Variants in ARSG observed in about 807,000 individuals in gnomAD.
The protein encoded by ARSG is arylsulfatase G, also known as ASG.
Under a neutral mutation model 50.5 loss-of-function variants are expected in ARSG, and 37 were observed. That is an observed-to-expected ratio of 0.73 (90% CI 0.56 to 0.96). ARSG has a LOEUF of 0.96. ARSG is among the 50% of genes least tolerant of loss of function. The probability of loss-of-function intolerance (pLI) is 0.00; values close to 1 mark genes in which losing one functional copy is unlikely to be tolerated. For missense variants in ARSG, 629 were observed against 675.3 expected (o/e 0.93, Z 0.76); for synonymous variants, 225 against 254.6 (o/e 0.88, Z 1.11).
In ARSG at chr17:68,271,933, G is replaced by T. The variant is rs2075354327; in HGVS notation, c.-552+12507G>T. ...TTCTCCTGCCTCAGCCTCCTGAGTA[G>T]CTGGGACTATAGGCGTGCGCCACCA... On this transcript the variant is annotated intron_variant, in intron 1 of 11. Transcript: ENST00000448504. This position sits in a 1 kb window ranked among gnomAD's most constrained non-coding sequence, Gnocchi z 5.3. 6.6e-6 allele frequency among the ~76,000 whole-genome samples: 1 copy of T among 152,204 alleles called. No individual in the cohort carries two copies. Among genetic ancestry groups the T allele is most frequent in the African/African-American group, 2.4e-5 (1 of 41,462 alleles).
intron 2 of ARSG, among the ~76,000 whole-genome samples, chr17:68,329,740 TG>T (rs1350298787): frequency 6.6e-6 from 1 of 152,186 alleles, no homozygotes; most frequent in East Asian, 1.9e-4. Context: ...TTGGCTTCCC[TG>T]GGCCATGTTG....
intron 11 of ARSG, among the ~76,000 whole-genome samples, chr17:68,418,835 C>T (rs1026101640): frequency 3.3e-5 from 5 of 152,184 alleles, no homozygotes; most frequent in African/African-American, 9.7e-5. Flanking sequence ...CTCTGCTTCT[C>T]CTGAGCAACT....
intron 2 of ARSG, among the ~76,000 whole-genome samples, chr17:68,330,684 A>G (rs773453230): frequency 2.3e-4 from 35 of 152,100 alleles, no homozygotes; most frequent in Non-Finnish European, 4.7e-4. Flanking sequence ...AGAAACTGGC[A>G]AAGGAAGCAA....
chr17:68,279,953 G>C (rs1188358034), intron 1 of ARSG, among the ~76,000 whole-genome samples: 2 of 152,068 alleles, frequency 1.3e-5, no homozygotes, highest in African/African-American at 4.8e-5. Flanking sequence ...AGGCCAAAGC[G>C]GGTGGATCAC....
intron 1 of ARSG, among the ~76,000 whole-genome samples, chr17:68,306,574 A>G (rs2076617984): frequency 6.6e-6 from 1 of 152,242 alleles, no homozygotes; most frequent in East Asian, 1.9e-4. Flanking sequence ...TGACTGTTAC[A>G]AATAACCATG....
chr17:68,359,995 G>C (rs1741715177), intron 6 of ARSG, among the ~76,000 whole-genome samples: 2 of 152,166 alleles, frequency 1.3e-5, no homozygotes, highest in Admixed American at 1.3e-4. Context: ...AGGCTAGTGG[G>C]GACAGTCTCT....
intron 5 of ARSG, among the ~76,000 whole-genome samples, chr17:68,352,135 AGACAGAG>A (rs2078813778): frequency 8.7e-6 from 1 of 115,578 alleles, no homozygotes; most frequent in African/African-American, 3.4e-5. Context: ...AGAGAGAGAG[AGACAGAG>A]GAGAGAGAGA....
intron 1 of ARSG, among the ~76,000 whole-genome samples, chr17:68,280,162 A>G (rs2075647021): frequency 1.4e-5 from 2 of 145,064 alleles, no homozygotes; most frequent in African/African-American, 5.2e-5. Flanking sequence ...AGCCTGGGCA[A>G]TAGAGCAACT....
At chr17:68,356,537 C>A in intron 5 of ARSG, 130 bp from the exon 6 acceptor site, 1 of 1,069,222 alleles carries the variant, frequency 9.4e-7, no homozygotes, top group Non-Finnish European at 1.4e-6. Flanking sequence ...GAGGAAATGG[C>A]CAACCAGAAA....
intron 2 of ARSG, among the ~76,000 whole-genome samples, chr17:68,327,400 C>T (rs1388413603): frequency 1.3e-5 from 2 of 152,168 alleles, no homozygotes; most frequent in African/African-American, 4.8e-5. Flanking sequence ...GAGCCACACT[C>T]CCTCCACAGC....
intron 8 of ARSG, among the ~76,000 whole-genome samples, chr17:68,380,647 A>G (rs979356779): frequency 3.3e-5 from 5 of 152,212 alleles, no homozygotes; most frequent in African/African-American, 1.2e-4. Context: ...GTAACATACT[A>G]AATGTGTCTT....
rs11657051 is a variant in ARSG, at chr17:68,395,173, C to T, written c.1192C>T (p.Arg398Trp). The change falls in exon 10 of 12, where the codon CGG becomes TGG. Residue 398 changes from arginine (R) to tryptophan (W), a missense_variant. Physicochemically the swap from Arg to Trp is moderately radical, Grantham distance 101 (BLOSUM62 -3). Transcript: ENST00000621439. ...GVDVSEVLFG[R>W]SQPGHRVLFH... ...GGACGTCTCCGAGGTGCTCTTTGGC[C>T]GGTCACAGCCTGGGCACAGGGTAAG... 55,066 of 1,613,974 alleles carry T rather than the reference C, an allele frequency of 0.034. 1,234 individuals carry two copies. Among genetic ancestry groups the T allele is most frequent in the Non-Finnish European group, 0.039 (46,139 of 1,179,918 alleles).
In ARSG at chr17:68,271,010, C is replaced by T. The variant is rs2075321768; in HGVS notation, c.-552+11584C>T. The T allele has an allele frequency of 6.2e-7, 1 of 1,614,070 alleles. No homozygotes were observed. Among genetic ancestry groups the T allele is most frequent in the South Asian group, 1.1e-5 (1 of 91,072 alleles). On this transcript the variant is annotated intron_variant, in intron 1 of 11. Transcript: ENST00000448504. The surrounding 1 kb of genome is among the most constrained non-coding windows in gnomAD (Gnocchi z 5.3). The stretch of plus-strand genomic sequence containing the variant: ...AAAAATATGCTGCATGACATTAGAC[C>T]CCAGAATTCAGTAGCAAAAGTAAAG...
At chr17:68,291,857 G>A (rs1555756250) in intron 1 of ARSG, among the ~76,000 whole-genome samples, 2 of 151,906 alleles carry the variant, frequency 1.3e-5, no homozygotes, top group Non-Finnish European at 2.9e-5. Flanking sequence ...TGAGGATTTA[G>A]GGATTTAGCG....
In ARSG at chr17:68,395,094, T is replaced by C. The variant is rs139410112; in HGVS notation, c.1113T>C (p.Thr371=). ...ALLSVLDIFP[T]VVALAQASLP... ...GCAGCGTGCTGGACATTTTTCCAAC[T>C]GTGGTAGCCCTGGCCCAGGCCAGCT... Residue 371 remains threonine, a synonymous_variant, in exon 10 of 12, where the codon ACT becomes ACC. Transcript: ENST00000621439. 1,481 of 1,614,050 alleles carry C rather than the reference T, an allele frequency of 9.2e-4. No homozygotes were observed. Among genetic ancestry groups the C allele is most frequent in the Non-Finnish European group, 1.1e-3 (1,354 of 1,179,924 alleles).
Position 68,271,716 on chromosome 17 carries a change from A to C in ARSG, c.-552+12290A>C. 1 of 1,333,482 alleles carries C rather than the reference A, an allele frequency of 7.5e-7. No individual in the cohort carries two copies. The highest frequency in any genetic ancestry group is 1.0e-6 in the Non-Finnish European group (1 of 968,096). The allele number at this position is 1,333,482 out of a possible 1,614,324, so 82.6% of individuals were successfully genotyped here. A position where few individuals can be genotyped will look rare whatever the true frequency, so the allele number is the denominator to read the frequency against. ...GTCAATAATGGACTCAAGACCCAGG[A>C]GAAGCCATCAAGAAGAAATATGGAT... On this transcript the variant is annotated intron_variant, in intron 1 of 11. Transcript: ENST00000448504. The surrounding 1 kb of genome is among the most constrained non-coding windows in gnomAD (Gnocchi z 5.3).
the ARSG span, among the ~76,000 whole-genome samples, chr17:68,437,627 G>A: frequency 6.6e-6 from 1 of 152,110 alleles, no homozygotes; most frequent in South Asian, 2.1e-4. Flanking sequence ...GGTACCTCCC[G>A]AGGAGGAAGT....
At chr17:68,420,083 T>G in intron 11 of ARSG, 106 bp from the exon 12 acceptor site, 1 of 1,296,962 alleles carries the variant, frequency 7.7e-7, no homozygotes, top group Non-Finnish European at 1.1e-6. Flanking sequence ...GAACATTTGG[T>G]TATCTGGTAT....
intron 11 of ARSG, chr17:68,414,016 G>A: frequency 6.4e-6 from 1 of 155,532 alleles, no homozygotes; most frequent in Non-Finnish European, 1.4e-5. Flanking sequence ...CCACTGTCTG[G>A]CACTCCCTAG....
Sources: gnomAD v4.1 joint callset for allele counts (sites outside exome capture counted in the v4.1 genomes callset) on GRCh38, gnomAD v4.1.1 for gene constraint, Gnocchi (gnomAD v3.1) non-coding constraint, MANE v1.5 for transcripts, NCBI Gene and HGNC (gene_info 2026-07-23, HGNC 2026-07-21) for gene names.